Variants in GZF1 observed in about 807,000 individuals in gnomAD.
GZF1 encodes the protein GDNF-inducible zinc finger protein 1.
In GZF1, 28 loss-of-function variants were observed where a neutral mutation model predicts 49.4. The observed-to-expected ratio is 0.57, with a 90% CI of 0.42 to 0.78. GZF1 has a LOEUF of 0.78. GZF1 is among the 30% of genes least tolerant of loss of function. The probability of loss-of-function intolerance (pLI) is 0.00; values close to 1 mark genes in which losing one functional copy is unlikely to be tolerated. For missense variants in GZF1, 798 were observed against 916.2 expected, an observed-to-expected ratio of 0.87 and a Z score of 1.67; for synonymous variants, 364 against 356.0, an observed-to-expected ratio of 1.02 and a Z score of -0.25.
rs368611357 is a variant in GZF1 at position 23,367,111 on chromosome 20, C to T, written c.1459+14C>T. 1.8e-5 allele frequency: 27 copies of T among 1,520,618 alleles called. No homozygotes were observed. The highest frequency in any genetic ancestry group is 2.4e-5 in the Non-Finnish European group (26 of 1,097,968). 94.2% of individuals were successfully genotyped at this position (1,520,618 alleles called of 1,614,324 possible). A position where few individuals can be genotyped will look rare whatever the true frequency, so the allele number is the denominator to read the frequency against. On this transcript the variant is annotated intron_variant, in intron 3 of 5. Transcript: ENST00000338121. Reference sequence around the variant, plus strand: ...GGTGTCACACAGGTAAATACTCATGCTGTTGTGATTGAATGTCTTTCCTAG... The same window carrying T: ...GGTGTCACACAGGTAAATACTCATGTTGTTGTGATTGAATGTCTTTCCTAG...
chr20:23,369,628 C>T lies in GZF1; in HGVS notation c.1672C>T (p.Gln558Ter). ...CCDQCGKQFT[Q>*]LNALQRHRRI... is the part of the protein sequence containing the mutation. ...TGACCAGTGCGGCAAGCAGTTCACC[C>T]AGCTCAACGCCCTCCAGCGCCACCG... Residue 558 changes from glutamine to a stop codon, truncating the protein, a stop_gained, in exon 5 of 6, where the codon CAG becomes TAG. Coordinates refer to ENST00000338121, the MANE Select transcript of GZF1 (RefSeq NM_022482.5). LOFTEE classifies it high-confidence loss of function. The T allele has an allele frequency of 6.2e-7, 1 of 1,614,090 alleles. No individual in the cohort carries two copies. Among genetic ancestry groups the T allele is most frequent in the Non-Finnish European group, 8.5e-7 (1 of 1,179,986 alleles).
In GZF1 at chr20:23,364,489, A is replaced by G; in HGVS notation, c.106A>G (p.Ser36Gly). The G allele has an allele frequency of 6.2e-7, 1 of 1,614,244 alleles. No homozygotes were observed. Among genetic ancestry groups the G allele is most frequent in the Non-Finnish European group, 8.5e-7 (1 of 1,180,042 alleles). Reference sequence around the variant, plus strand: ...GGGTCACCTGTGTGACGTGACAGTCAGCGTGGAGTATCAGGGTGTCCGCAA... The same window carrying G: ...GGGTCACCTGTGTGACGTGACAGTCGGCGTGGAGTATCAGGGTGTCCGCAA... ...LLGHLCDVTV[S>G]VEYQGVRKDF... is the part of the protein sequence containing the mutation. Residue 36 changes from serine (S) to glycine (G), a missense_variant, in exon 2 of 6, where the codon AGC becomes GGC. Physicochemically the swap from Ser to Gly is moderately conservative, Grantham distance 56. Transcript: ENST00000338121.
At chr20:23,369,277 A>T (rs1981781603) in intron 4 of GZF1, among the ~76,000 whole-genome samples, 1 of 152,220 alleles carries the variant, frequency 6.6e-6, no homozygotes, top group Non-Finnish European at 1.5e-5. Flanking sequence ...GCACACATGC[A>T]TATTCAGTTG....
Position 23,371,163 on chromosome 20 carries a change from TAAA to T in GZF1, c.*727_*729del, listed in dbSNP as rs927348242. The T allele has an allele frequency of 6.6e-6, 1 of 152,604 alleles. No homozygotes were observed. Among genetic ancestry groups the T allele is most frequent in the African/African-American group, 2.4e-5 (1 of 41,436 alleles). The allele number at this position is 152,604 out of a possible 1,614,324, so 9.5% of individuals were successfully genotyped here. On this transcript the variant is annotated 3_prime_UTR_variant, in exon 6 of 6. Coordinates refer to ENST00000338121, the MANE Select transcript of GZF1 (RefSeq NM_022482.5). ...TGAGATGAGGCTGTTCAGTTTGTCTTAAAAAAATCAGATTAGGTAAAAGCTGTC... is the reference window on the plus strand; with the variant it reads ...TGAGATGAGGCTGTTCAGTTTGTCTTAAAATCAGATTAGGTAAAAGCTGTC...
chr20:23,372,224 T>C lies in GZF1; in HGVS notation c.*1783T>C, dbSNP rs900355958. Reference sequence around the variant, plus strand: ...TCCTTAGAAATTCTACAAAAAAATGTTGTTAATAAATGTCTGCTTTGTAAA... The same window carrying C: ...TCCTTAGAAATTCTACAAAAAAATGCTGTTAATAAATGTCTGCTTTGTAAA... On this transcript the variant is annotated 3_prime_UTR_variant, in exon 6 of 6. Transcript: ENST00000338121. 6.6e-6 allele frequency: 1 copy of C among 152,664 alleles called. No homozygotes were observed. The highest frequency in any genetic ancestry group is 1.5e-5 in the Non-Finnish European group (1 of 67,960). 9.5% of individuals were successfully genotyped at this position (152,664 alleles called of 1,614,324 possible). A position where few individuals can be genotyped will look rare whatever the true frequency, so the allele number is the denominator to read the frequency against.
At position 23,370,549 on chromosome 20, in the gene GZF1, A is replaced by G; in HGVS notation, c.*108A>G. On this transcript the variant is annotated 3_prime_UTR_variant, in exon 6 of 6. Transcript: ENST00000338121. ...TCCATGTGCAAAGATGTGGGCAAGA[A>G]TGGCCTCTGCAGATTTTCCTGAACT... 2.7e-6 allele frequency: 2 copies of G among 753,136 alleles called. No individual in the cohort carries two copies. Among genetic ancestry groups the G allele is most frequent in the Non-Finnish European group, 2.2e-6 (1 of 451,976 alleles). The allele number at this position is 753,136 out of a possible 1,614,324, so 46.7% of individuals were successfully genotyped here. A position where few individuals can be genotyped will look rare whatever the true frequency, so the allele number is the denominator to read the frequency against.
rs139046142 is a variant in GZF1 at position 23,365,090 on chromosome 20, C to G, written c.707C>G (p.Pro236Arg). 429 of 1,613,844 alleles carry G rather than the reference C, an allele frequency of 2.7e-4. 2 individuals carry two copies. The highest frequency in any genetic ancestry group is 3.3e-4 in the Non-Finnish European group (394 of 1,180,030). The stretch of plus-strand genomic sequence containing the variant: ...GGGAGGAAGGTCTTTGTGGAGATCC[C>G]TAAAAAGAAATATACGAGAAGACTC... ...LAGRKVFVEI[P>R]KKKYTRRLRE... is the part of the protein sequence containing the mutation. The change falls in exon 2 of 6, where the codon CCT becomes CGT. Residue 236 changes from proline (P) to arginine (R), a missense_variant. Physicochemically the swap from Pro to Arg is moderately radical, Grantham distance 103 (BLOSUM62 -2). This residue lies in a region of GZF1 where 247 missense variants were observed against 228.5 expected (regional missense o/e 1.08). Transcript: ENST00000338121.
rs1981284379 is a variant in GZF1, at chr20:23,365,762, G to A, written c.1364+15G>A. 1.3e-6 allele frequency: 2 copies of A among 1,500,234 alleles called. No individual in the cohort carries two copies. Among genetic ancestry groups the A allele is most frequent in the Admixed American group, 2.2e-5 (1 of 45,684 alleles). 92.9% of individuals were successfully genotyped at this position (1,500,234 alleles called of 1,614,324 possible). A position where few individuals can be genotyped will look rare whatever the true frequency, so the allele number is the denominator to read the frequency against. ...ACGCACATGAGGTACGCGGGGAGCC[G>A]TCCGGAGGGGTCCCTGCGCACTGGA... On this transcript the variant is annotated intron_variant, in intron 2 of 5. Transcript: ENST00000338121.
At chr20:23,368,225 GAT>G (rs1981636965) in intron 3 of GZF1, among the ~76,000 whole-genome samples, 1 of 152,096 alleles carries the variant, frequency 6.6e-6, no homozygotes, top group Non-Finnish European at 1.5e-5. Flanking sequence ...TTTTTATTTT[GAT>G]GTCTGTGAAA....
chr20:23,365,194 A>G lies in GZF1; in HGVS notation c.811A>G (p.Thr271Ala). The G allele has an allele frequency of 6.2e-7, 1 of 1,607,716 alleles. No individual in the cohort carries two copies. The highest frequency in any genetic ancestry group is 8.5e-7 in the Non-Finnish European group (1 of 1,176,644). Residue 271 changes from threonine to alanine, a missense_variant, in exon 2 of 6, where the codon ACG becomes GCG. By Grantham distance (58) the Thr-to-Ala change is moderately conservative. Around this residue, in one of 3 missense-constraint regions of GZF1, gnomAD observed 247 missense variants for 228.5 expected, o/e 1.08. Coordinates refer to ENST00000338121, the MANE Select transcript of GZF1 (RefSeq NM_022482.5). ...GGACCAAAGCCCGGACAGGGTGGGC[A>G]CGGAGATGGAGCAGGTTTCCAAAAA... The part of the protein sequence containing the change: ...PQDQSPDRVG[T>A]EMEQVSKNEG...
At position 23,371,166 on chromosome 20, in the gene GZF1, A is replaced by T. The variant is rs1359301754; in HGVS notation, c.*725A>T. On this transcript the variant is annotated 3_prime_UTR_variant, in exon 6 of 6. Transcript: ENST00000338121. ...GATGAGGCTGTTCAGTTTGTCTTAA[A>T]AAAATCAGATTAGGTAAAAGCTGTC... 6.6e-6 allele frequency: 1 copy of T among 152,646 alleles called. No individual in the cohort carries two copies. Among genetic ancestry groups the T allele is most frequent in the Non-Finnish European group, 1.5e-5 (1 of 68,040 alleles). 9.5% of individuals were successfully genotyped at this position (152,646 alleles called of 1,614,324 possible).
At position 23,365,149 on chromosome 20, in the gene GZF1, G is replaced by A. The variant is rs1484953697; in HGVS notation, c.766G>A (p.Gly256Arg). 1.9e-6 allele frequency: 3 copies of A among 1,613,924 alleles called. No individual in the cohort carries two copies. The East Asian group carries it at 6.7e-5, about 36-fold the overall frequency. Reference sequence around the variant, plus strand: ...GCAGAAAACTGCTGAGGGTGATGTGGGGGACTACAGGTGTCCCCAGGACCA... The same window carrying A: ...GCAGAAAACTGCTGAGGGTGATGTGAGGGACTACAGGTGTCCCCAGGACCA... ...EQQKTAEGDV[G>R]DYRCPQDQSP... The change falls in exon 2 of 6, where the codon GGG becomes AGG. Residue 256 changes from glycine to arginine, a missense_variant. Coordinates refer to ENST00000338121, the MANE Select transcript of GZF1 (RefSeq NM_022482.5).
At position 23,372,436 on chromosome 20, in the gene GZF1, C is replaced by T. The variant is rs1189819557; in HGVS notation, c.*1995C>T. 1 of 152,186 alleles carries T rather than the reference C, an allele frequency of 6.6e-6. No individual in the cohort carries two copies. The allele number at this position is 152,186 out of a possible 1,614,324, so 9.4% of individuals were successfully genotyped here. On this transcript the variant is annotated 3_prime_UTR_variant, in exon 6 of 6. Coordinates refer to ENST00000338121, the MANE Select transcript of GZF1 (RefSeq NM_022482.5). The stretch of plus-strand genomic sequence containing the variant: ...TTTAACTGCTTGGATCCCAGTTGGT[C>T]TCTGGCAGTGGGATCCTGGAGAGGA...
At chr20:23,369,184 C>G (rs1281542840) in intron 4 of GZF1, among the ~76,000 whole-genome samples, 1 of 152,198 alleles carries the variant, frequency 6.6e-6, no homozygotes, top group Admixed American at 6.5e-5. Flanking sequence ...GGACAGACAG[C>G]TTAGTCATGG....
chr20:23,361,274 G>C (rs1382925863), upstream of GZF1, among the ~76,000 whole-genome samples: 1 of 152,220 alleles, frequency 6.6e-6, no homozygotes, highest in African/African-American at 2.4e-5. Flanking sequence ...GGGAGCAAAA[G>C]GCAAGGTCAG....
intron 4 of GZF1, among the ~76,000 whole-genome samples, chr20:23,369,371 T>G (rs1179378855): frequency 2.0e-5 from 3 of 152,230 alleles, no homozygotes; most frequent in African/African-American, 2.4e-5. Flanking sequence ...CAGGCACATG[T>G]CCTGGCCCCT....
intron 1 of GZF1, 39 bp from the exon 2 acceptor site, chr20:23,364,324 A>C (rs1764795883): frequency 8.2e-7 from 1 of 1,218,744 alleles, no homozygotes; most frequent in East Asian, 2.3e-5. Context: ...CTTTTGCATC[A>C]GTGGTTGCTC....
Position 23,368,923 on chromosome 20 carries a change from C to A in GZF1, c.1621C>A (p.His541Asn). ...RNSLYQHIKVHTGERPYCCDQ... is the reference protein window; with the variant it reads ...RNSLYQHIKVNTGERPYCCDQ... ...TTCACTGTACCAGCATATTAAAGTCCACACAGGTATGGTTGGAATGTCCCA... is the reference window on the plus strand; with the variant it reads ...TTCACTGTACCAGCATATTAAAGTCAACACAGGTATGGTTGGAATGTCCCA... The change falls in exon 4 of 6, where the codon CAC (histidine) becomes AAC (asparagine). Residue 541 changes from histidine to asparagine, a missense_variant. His to Asn is a moderately conservative substitution (Grantham distance 68). Coordinates refer to ENST00000338121, the MANE Select transcript of GZF1 (RefSeq NM_022482.5). 1 of 1,610,968 alleles carries A rather than the reference C, an allele frequency of 6.2e-7. No individual in the cohort carries two copies.
At position 23,370,543 on chromosome 20, in the gene GZF1, G is replaced by C. The variant is rs888687022; in HGVS notation, c.*102G>C. The C allele has an allele frequency of 1.4e-5, 11 of 780,724 alleles. No individual in the cohort carries two copies. In the African/African-American group the frequency reaches 1.8e-4, roughly 12 times the overall value. The allele number at this position is 780,724 out of a possible 1,614,324, so 48.4% of individuals were successfully genotyped here. A position where few individuals can be genotyped will look rare whatever the true frequency, so the allele number is the denominator to read the frequency against. The stretch of plus-strand genomic sequence containing the variant: ...TAATTGTCCATGTGCAAAGATGTGG[G>C]CAAGAATGGCCTCTGCAGATTTTCC... On this transcript the variant is annotated 3_prime_UTR_variant, in exon 6 of 6. Coordinates refer to ENST00000338121, the MANE Select transcript of GZF1 (RefSeq NM_022482.5).
Sources: gnomAD v4.1 joint callset for allele counts (sites outside exome capture counted in the v4.1 genomes callset) on GRCh38, gnomAD v4.1.1 for gene constraint, gnomAD v4.1.1 regional missense constraint, MANE v1.5 for transcripts, NCBI Gene and HGNC (gene_info 2026-07-23, HGNC 2026-07-21) for gene names.